Variants in SNED1 observed in about 807,000 individuals in gnomAD.
SNED1 encodes sushi, nidogen and EGF like domains 1, also known as sushi, nidogen and EGF-like domain-containing protein 1.
In SNED1, 81 loss-of-function variants were observed where a neutral mutation model predicts 166.7. That is an observed-to-expected ratio of 0.49 (90% CI 0.41 to 0.58). The LOEUF (loss-of-function observed/expected upper bound fraction) is 0.58. Ranked by LOEUF, SNED1 falls within the 20% of genes least tolerant of loss-of-function variation. SNED1 has a pLI of 0.00. For missense variants in SNED1, 1,604 were observed against 2,000.2 expected (o/e 0.80, Z 3.78); for synonymous variants, 762 against 822.0 (o/e 0.93, Z 1.25).
In SNED1 at chr2:241,048,653, T is replaced by C. The variant is rs2061736860; in HGVS notation, c.1400-9T>C. Reference sequence around the variant, plus strand: ...CCACATGGGAGGCTCCTCCCTCTCTTCGTGGCAGGAGTCCCCGATGACTGT... The same window carrying C: ...CCACATGGGAGGCTCCTCCCTCTCTCCGTGGCAGGAGTCCCCGATGACTGT... On this transcript the variant is annotated splice_polypyrimidine_tract_variant and intron_variant, in intron 9 of 31. Coordinates refer to ENST00000310397, the MANE Select transcript of SNED1 (RefSeq NM_001080437.3). 6.2e-7 allele frequency: 1 copy of C among 1,602,796 alleles called. No homozygotes were observed. The highest frequency in any genetic ancestry group is 1.3e-5 in the African/African-American group (1 of 74,862).
chr2:241,092,111 G>A lies in SNED1; in HGVS notation c.*475G>A, dbSNP rs2064058602. ...CACTTCCAAAACAGAGACGGGGGCA[G>A]GGGCTGAAGGGCAGAGACCAGGTGA... On this transcript the variant is annotated 3_prime_UTR_variant, in exon 32 of 32. Transcript: ENST00000310397. This position sits in a 1 kb window ranked among gnomAD's most constrained non-coding sequence, Gnocchi z 4.6. 1 of 152,342 alleles carries A rather than the reference G, an allele frequency of 6.6e-6. No homozygotes were observed. Among genetic ancestry groups the A allele is most frequent in the Admixed American group, 6.5e-5 (1 of 15,288 alleles). 9.4% of individuals were successfully genotyped at this position (152,342 alleles called of 1,614,324 possible).
chr2:241,065,621 C>G (rs781400087), intron 21 of SNED1, 26 bp downstream of exon 21: 1 of 1,601,556 alleles, frequency 6.2e-7, no homozygotes, highest in East Asian at 2.2e-5. Flanking sequence ...CCTGGCCGTC[C>G]CTGCCCAGCC....
At chr2:241,083,516 A>G (rs891025871) in intron 29 of SNED1, among the ~76,000 whole-genome samples, 3 of 152,202 alleles carry the variant, frequency 2.0e-5, no homozygotes, top group African/African-American at 7.2e-5. Flanking sequence ...CTTGGACATG[A>G]AGCCAGGTGT....
At chr2:241,083,508 T>C (rs1324872255) in intron 29 of SNED1, among the ~76,000 whole-genome samples, 2 of 152,306 alleles carry the variant, frequency 1.3e-5, no homozygotes, top group East Asian at 3.9e-4. Context: ...CATTAGAGCT[T>C]GGACATGAAG....
chr2:241,038,600 T>C (rs34932433), intron 6 of SNED1, among the ~76,000 whole-genome samples: 40,930 of 152,238 alleles, frequency 0.27, 5,887 homozygotes, highest in Middle Eastern at 0.34. Flanking sequence ...CCACAGCCAG[T>C]GTCGGAGCAA....
chr2:241,068,600 C>G lies in SNED1; in HGVS notation c.3195-311C>G, dbSNP rs2062566719. The stretch of plus-strand genomic sequence containing the variant: ...TCACCTGTGCTGAGGGCCCGTCCCC[C>G]ATCCCTGCACAGTGACCACTTCCCC... On this transcript the variant is annotated intron_variant, in intron 22 of 31. Transcript: ENST00000310397. The surrounding 1 kb of genome is among the most constrained non-coding windows in gnomAD (Gnocchi z 5.3). Among the ~76,000 whole-genome samples, 1 of 152,046 alleles carries G rather than the reference C, an allele frequency of 6.6e-6. No homozygotes were observed. The highest frequency in any genetic ancestry group is 6.5e-5 in the Admixed American group (1 of 15,272).
intron 1 of SNED1, among the ~76,000 whole-genome samples, chr2:241,020,997 G>T (rs746914713): frequency 4.1e-4 from 63 of 152,280 alleles, no homozygotes; most frequent in Middle Eastern, 6.8e-3. Context: ...ACACACCCAG[G>T]TTCCATCCTC....
At chr2:241,047,313 C>T (rs2061680305) in intron 8 of SNED1, among the ~76,000 whole-genome samples, 1 of 152,144 alleles carries the variant, frequency 6.6e-6, no homozygotes, top group South Asian at 2.1e-4. Context: ...GAAGACATAA[C>T]TCTAGATATA....
Position 241,052,746 on chromosome 2 carries a change from G to T in SNED1, c.2083+278G>T, listed in dbSNP as rs868674142. 6.2e-4 allele frequency among the ~76,000 whole-genome samples: 56 copies of T among 90,160 alleles called. 2 individuals are homozygous for T. The East Asian group carries it at 8.2e-3, about 13-fold the overall frequency. 59.1% of individuals were successfully genotyped at this position (90,160 alleles called of 152,430 possible). On this transcript the variant is annotated intron_variant, in intron 15 of 31. Transcript: ENST00000310397. Reference sequence around the variant, plus strand: ...GGATACCAGTGCCAGGCAGGTGAGAGGGCCGGGGGGCCAAGCAGGGTACAT... The same window carrying T: ...GGATACCAGTGCCAGGCAGGTGAGATGGCCGGGGGGCCAAGCAGGGTACAT...
chr2:241,040,546 C>T, intron 8 of SNED1, 133 bp downstream of exon 8: 1 of 635,304 alleles, frequency 1.6e-6, no homozygotes, highest in African/African-American at 1.8e-5. Flanking sequence ...GGGAGGATGC[C>T]TCTGCCCCCT....
chr2:241,066,375 C>T (rs1205151493), intron 21 of SNED1, among the ~76,000 whole-genome samples: 7 of 152,098 alleles, frequency 4.6e-5, no homozygotes, highest in African/African-American at 7.2e-5. Context: ...TGGCAGTGGA[C>T]GGACAGGGGC....
At chr2:240,998,386 G>A (rs1188246037), upstream of SNED1, among the ~76,000 whole-genome samples, 5 of 152,224 alleles carry the variant, frequency 3.3e-5, no homozygotes, top group African/African-American at 1.2e-4. Context: ...GGCACTGAGG[G>A]CCCAGGCGCC....
In SNED1 at chr2:241,064,674, C is replaced by A. The variant is rs1486036628; in HGVS notation, c.2600-170C>A. ...GGGTGGAGGAGCTGCTGGGTTGGGC[C>A]CCGCAGGGCAGTGGAGGTGGCAGAA... On this transcript the variant is annotated intron_variant, in intron 19 of 31. Coordinates refer to ENST00000310397, the MANE Select transcript of SNED1 (RefSeq NM_001080437.3). The surrounding 1 kb of genome is among the most constrained non-coding windows in gnomAD (Gnocchi z 7.0). Among the ~76,000 whole-genome samples the A allele has an allele frequency of 6.6e-6, 1 of 152,156 alleles. No homozygotes were observed. The highest frequency in any genetic ancestry group is 1.5e-5 in the Non-Finnish European group (1 of 68,020).
At chr2:241,047,765 G>T (rs989660203) in intron 8 of SNED1, among the ~76,000 whole-genome samples, 1 of 151,968 alleles carries the variant, frequency 6.6e-6, no homozygotes. Context: ...GGTGCTTCTT[G>T]TTCTATCCAA....
intron 27 of SNED1, among the ~76,000 whole-genome samples, chr2:241,080,249 A>G (rs1004942043): frequency 6.6e-6 from 1 of 152,214 alleles, no homozygotes; most frequent in Admixed American, 6.5e-5. Context: ...GCGACACTGC[A>G]CTCCAGCCTG....
chr2:240,999,842 C>G lies in SNED1; in HGVS notation c.213+792C>G, dbSNP rs375205305. ...ACCTGGTAACTGCATGGAGCACTCG[C>G]CCTGAGTAGGCCACGGTGCACTGGT... is the stretch of plus-strand genomic sequence containing the variant. On this transcript the variant is annotated intron_variant, in intron 1 of 31. Coordinates refer to ENST00000310397, the MANE Select transcript of SNED1 (RefSeq NM_001080437.3). The surrounding 1 kb of genome is among the most constrained non-coding windows in gnomAD (Gnocchi z 5.8). Among the ~76,000 whole-genome samples the G allele has an allele frequency of 1.3e-5, 2 of 152,154 alleles. No homozygotes were observed. Among genetic ancestry groups the G allele is most frequent in the African/African-American group, 4.8e-5 (2 of 41,430 alleles).
At chr2:241,033,950 G>T (rs1350976158) in intron 3 of SNED1, 75 bp downstream of exon 3, 2 of 1,492,684 alleles carry the variant, frequency 1.3e-6, no homozygotes, top group African/African-American at 2.8e-5. Context: ...AGCTGATGAG[G>T]TAGGCAGGGG....
intron 1 of SNED1, among the ~76,000 whole-genome samples, chr2:241,023,878 T>C (rs1196755199): frequency 2.4e-5 from 3 of 126,962 alleles, no homozygotes; most frequent in African/African-American, 3.3e-5. Flanking sequence ...TCTTTTTTTC[T>C]TTTTTTTTCC....
intron 1 of SNED1, among the ~76,000 whole-genome samples, chr2:241,009,134 A>G (rs1343260028): frequency 2.0e-5 from 3 of 152,190 alleles, no homozygotes; most frequent in African/African-American, 2.4e-5. Context: ...CCAGGTTTGC[A>G]TCTCAAGATT....
Sources: gnomAD v4.1 joint callset for allele counts (sites outside exome capture counted in the v4.1 genomes callset) on GRCh38, gnomAD v4.1.1 for gene constraint, Gnocchi (gnomAD v3.1) non-coding constraint, MANE v1.5 for transcripts, NCBI Gene and HGNC (gene_info 2026-07-23, HGNC 2026-07-21) for gene names.